Variants in TMEM120B observed in about 807,000 individuals in gnomAD.
TMEM120B encodes transmembrane protein 120B.
In TMEM120B, 31 loss-of-function variants were observed where a neutral mutation model predicts 55.5. The ratio of observed to expected loss-of-function variants is 0.56; its 90% CI spans 0.42 to 0.75. TMEM120B has a LOEUF of 0.75. Ranked by LOEUF, TMEM120B falls within the 30% of genes least tolerant of loss-of-function variation. TMEM120B has a pLI of 0.00. For synonymous variants in TMEM120B, 203 were observed against 176.3 expected (o/e 1.15, Z -1.20); for missense variants, 399 against 425.5 (o/e 0.94, Z 0.55).
At position 121,712,832 on chromosome 12, in the gene TMEM120B, G is replaced by A. The variant is rs1249289589; in HGVS notation, c.-64G>A. On this transcript the variant is annotated 5_prime_UTR_variant, in exon 1 of 12. Coordinates refer to ENST00000449592, the MANE Select transcript of TMEM120B (RefSeq NM_001080825.2). Reference sequence around the variant, plus strand: ...GGCGAGCGCGCGGGCGTGGGGCGCTGGGGGGCCGGTCGGGCAGCGCTGCGG... The same window carrying A: ...GGCGAGCGCGCGGGCGTGGGGCGCTAGGGGGCCGGTCGGGCAGCGCTGCGG... The A allele has an allele frequency of 7.2e-6, 9 of 1,251,480 alleles. No homozygotes were observed. Among genetic ancestry groups the A allele is most frequent in the Non-Finnish European group, 9.3e-6 (9 of 968,236 alleles). 77.5% of individuals were successfully genotyped at this position (1,251,480 alleles called of 1,614,324 possible). A position where few individuals can be genotyped will look rare whatever the true frequency, so the allele number is the denominator to read the frequency against.
chr12:121,768,248 T>G (rs1434320853), intron 6 of TMEM120B, among the ~76,000 whole-genome samples: 1 of 152,210 alleles, frequency 6.6e-6, no homozygotes, highest in African/African-American at 2.4e-5. Flanking sequence ...GCATCCAGAT[T>G]AGCTGCTGCT....
intron 1 of TMEM120B, among the ~76,000 whole-genome samples, chr12:121,732,414 C>G (rs1043071028): frequency 6.6e-6 from 1 of 152,070 alleles, no homozygotes; most frequent in Non-Finnish European, 1.5e-5. Context: ...CTCCCCTTTA[C>G]CCCTGAAATG....
At position 121,753,583 on chromosome 12, in the gene TMEM120B, A is replaced by AC. The variant is rs1272390387; in HGVS notation, c.461+1360_461+1361insC. Among the ~76,000 whole-genome samples the AC allele has an allele frequency of 3.3e-5, 5 of 151,722 alleles. No individual in the cohort carries two copies. The East Asian group carries it at 9.7e-4, about 29-fold the overall frequency. ...GAGACCTTGTCTCAAAAACAAACAAAAAAAAAAAGAATGTTCTGGAGTTAG... is the reference window on the plus strand; with the variant it reads ...GAGACCTTGTCTCAAAAACAAACAAACAAAAAAAAGAATGTTCTGGAGTTAG... On this transcript the variant is annotated intron_variant, in intron 5 of 11. Transcript: ENST00000449592.
chr12:121,746,181 G>GC (rs201803913), intron 2 of TMEM120B, among the ~76,000 whole-genome samples: 1,782 of 142,654 alleles, frequency 0.012, 47 homozygotes, highest in African/African-American at 0.046. Context: ...TTCTTAAACC[G>GC]CCCCCCCACT....
At chr12:121,733,068 A>G (rs933122607) in intron 1 of TMEM120B, among the ~76,000 whole-genome samples, 1 of 152,050 alleles carries the variant, frequency 6.6e-6, no homozygotes, top group Non-Finnish European at 1.5e-5. Flanking sequence ...CTCTAGAGAC[A>G]TACTTGCCTG....
At chr12:121,750,180 C>T (rs576474775) in intron 3 of TMEM120B, among the ~76,000 whole-genome samples, 200 bp from the exon 4 acceptor site, 41 of 152,114 alleles carry the variant, frequency 2.7e-4, no homozygotes, top group Non-Finnish European at 5.3e-4. Flanking sequence ...CGACTCCTCA[C>T]ACTGTCCTGT....
chr12:121,774,874 A>G, intron 10 of TMEM120B, 152 bp downstream of exon 10: 1 of 1,186,172 alleles, frequency 8.4e-7, no homozygotes. Context: ...AGGGATGCCA[A>G]GGCAGGAGCC....
Position 121,771,558 on chromosome 12 carries a change from CTG to C in TMEM120B, c.679+11_679+12del, listed in dbSNP as rs1483405493. ...ATTTTCCATTTTTCAGAGTGAGTGA[CTG>C]TTGCCTGGATTTGGGGGAAGGGACA... On this transcript the variant is annotated intron_variant, in intron 8 of 11. Transcript: ENST00000449592. 6.2e-7 allele frequency: 1 copy of C among 1,613,356 alleles called. No individual in the cohort carries two copies. Among genetic ancestry groups the C allele is most frequent in the Admixed American group, 1.7e-5 (1 of 59,980 alleles).
At chr12:121,716,707 C>T (rs1465304729) in intron 1 of TMEM120B, among the ~76,000 whole-genome samples, 5 of 151,760 alleles carry the variant, frequency 3.3e-5, no homozygotes, top group Admixed American at 3.3e-4. Flanking sequence ...GGATTACAGG[C>T]ACCCGCCACC....
At chr12:121,719,818 C>T (rs1303041206) in intron 1 of TMEM120B, among the ~76,000 whole-genome samples, 1 of 152,144 alleles carries the variant, frequency 6.6e-6, no homozygotes, top group Non-Finnish European at 1.5e-5. Flanking sequence ...CCTCAGCCTC[C>T]TGAGTAGCTG....
intron 5 of TMEM120B, 51 bp downstream of exon 5, chr12:121,752,274 G>A: frequency 1.3e-6 from 2 of 1,528,934 alleles, no homozygotes; most frequent in Middle Eastern, 1.7e-4. Flanking sequence ...GACGTCAGGT[G>A]GGGGCCGGGA....
intron 4 of TMEM120B, among the ~76,000 whole-genome samples, chr12:121,751,452 C>G (rs1047344305): frequency 6.7e-6 from 1 of 148,890 alleles, no homozygotes; most frequent in African/African-American, 2.5e-5. Context: ...CCGTCTCACG[C>G]TTTTCACCTG....
At chr12:121,738,724 G>A (rs1282544044) in intron 1 of TMEM120B, among the ~76,000 whole-genome samples, 1 of 152,178 alleles carries the variant, frequency 6.6e-6, no homozygotes, top group African/African-American at 2.4e-5. Context: ...CCTTTACCAA[G>A]CAAAGTTAGC....
intron 1 of TMEM120B, among the ~76,000 whole-genome samples, chr12:121,726,174 C>G (rs972869661): frequency 6.6e-6 from 1 of 151,872 alleles, no homozygotes; most frequent in Non-Finnish European, 1.5e-5. Flanking sequence ...GGTTCTAACA[C>G]GAGATGTGGT....
chr12:121,725,897 T>G (rs1235389008), intron 1 of TMEM120B, among the ~76,000 whole-genome samples: 2 of 150,534 alleles, frequency 1.3e-5, no homozygotes, highest in African/African-American at 2.4e-5. Flanking sequence ...ATTAGCCGGG[T>G]GTGGTGATGC....
chr12:121,750,167 A>G (rs1451645622), intron 3 of TMEM120B, among the ~76,000 whole-genome samples: 3 of 151,924 alleles, frequency 2.0e-5, no homozygotes, highest in Non-Finnish European at 4.4e-5. Context: ...ATGGAGGAGA[A>G]ATCGACTCCT....
chr12:121,748,581 C>G, intron 3 of TMEM120B, 139 bp downstream of exon 3: 1 of 591,448 alleles, frequency 1.7e-6, no homozygotes, highest in Non-Finnish European at 3.0e-6. Flanking sequence ...AGATAAGGAG[C>G]CTTCCTTACA....
chr12:121,713,029 GC>G (rs2136931146), intron 1 of TMEM120B, 65 bp downstream of exon 1: 15 of 1,366,546 alleles, frequency 1.1e-5, no homozygotes, highest in Admixed American at 6.4e-5. Context: ...CCCTTCCTGA[GC>G]CCCCCGGCCC....
At chr12:121,734,074 T>G (rs1895056864) in intron 1 of TMEM120B, among the ~76,000 whole-genome samples, 2 of 152,050 alleles carry the variant, frequency 1.3e-5, no homozygotes, top group Admixed American at 1.3e-4. Context: ...GTGAGTGGTG[T>G]TTTTTATCTA....
Sources: allele counts gnomAD v4.1 joint callset (sites outside exome capture counted in the v4.1 genomes callset), GRCh38; gene constraint gnomAD v4.1.1; transcripts MANE v1.5; gene names NCBI Gene and HGNC (gene_info 2026-07-23, HGNC 2026-07-21).